Variants in TOP2B observed in about 807,000 individuals in gnomAD.
TOP2B encodes DNA topoisomerase II beta, also known as DNA topoisomerase 2-beta.
Under a neutral mutation model 193.5 loss-of-function variants are expected in TOP2B, and 51 were observed. The ratio of observed to expected loss-of-function variants is 0.26; its 90% confidence interval spans 0.21 to 0.33. The LOEUF is 0.33. TOP2B is among the 10% of genes least tolerant of loss of function. TOP2B has a pLI of 1.00. For missense variants in TOP2B, 1,378 were observed against 1,909.3 expected (o/e 0.72, Z 5.19); for synonymous variants, 634 against 635.7 (o/e 1.00, Z 0.04).
chr3:25,661,396 T>A (rs1013422929), intron 1 of TOP2B, among the ~76,000 whole-genome samples: 88 of 152,228 alleles, frequency 5.8e-4, no homozygotes, highest in Non-Finnish European at 1.1e-3. Flanking sequence ...CCATTAAAAA[T>A]TTTTTTTAAT....
chr3:25,621,602 G>A (rs931962815), intron 21 of TOP2B, among the ~76,000 whole-genome samples: 1 of 151,894 alleles, frequency 6.6e-6, no homozygotes, highest in South Asian at 2.1e-4. Flanking sequence ...CTAGTGATCT[G>A]CCCAGCTCAG....
chr3:25,633,550 A>C (rs1703019490), intron 8 of TOP2B, among the ~76,000 whole-genome samples: 1 of 152,122 alleles, frequency 6.6e-6, no homozygotes, highest in Non-Finnish European at 1.5e-5. Flanking sequence ...AGGTTGGGGA[A>C]GGTGGGGCTA....
intron 1 of TOP2B, among the ~76,000 whole-genome samples, chr3:25,660,056 T>C (rs377093675): frequency 4.6e-5 from 7 of 152,316 alleles, no homozygotes; most frequent in African/African-American, 1.7e-4. Context: ...TAAAATGCAA[T>C]TGTTGCCACC....
At chr3:25,648,284 G>A (rs964310999) in intron 1 of TOP2B, among the ~76,000 whole-genome samples, 4 of 152,146 alleles carry the variant, frequency 2.6e-5, no homozygotes, top group Non-Finnish European at 2.9e-5. Context: ...AGCACGAGAC[G>A]CCACAAGTAA....
chr3:25,601,127 T>C lies in TOP2B; in HGVS notation c.4588A>G (p.Ile1530Val). ...TTTGGTGTTGTAGTCTTCTTTGGAA[T>C]GCCAAATTCTGAATCCGAGTCAGAG... ...VNSDSDSEFG[I>V]PKKTTTPKGK... Residue 1530 changes from isoleucine (I) to valine (V), a missense_variant, in exon 34 of 36, where the codon ATT becomes GTT. By Grantham distance (29) the Ile-to-Val change is conservative. Transcript: ENST00000264331. 1 of 1,613,814 alleles carries C rather than the reference T, an allele frequency of 6.2e-7. No homozygotes were observed. Among genetic ancestry groups the C allele is most frequent in the Non-Finnish European group, 8.5e-7 (1 of 1,179,756 alleles).
At position 25,612,642 on chromosome 3, in the gene TOP2B, A is replaced by C; in HGVS notation, c.3659T>G (p.Val1220Gly). The C allele has an allele frequency of 6.2e-7, 1 of 1,613,710 alleles. No homozygotes were observed. Among genetic ancestry groups the C allele is most frequent in the Non-Finnish European group, 8.5e-7 (1 of 1,179,748 alleles). ...GAGTTTCTTCACCTTAGGTTTGCCA[A>C]CTTTACCTTTAATTGCTTTTCCAGA... Reference protein sequence around the residue: ...GMSGKAIKGKVGKPKVKKLQL... With the variant: ...GMSGKAIKGKGGKPKVKKLQL... The change falls in exon 28 of 36, where the codon GTT becomes GGT. Residue 1220 changes from valine (V) to glycine (G), a missense_variant. Val to Gly is a moderately radical substitution (Grantham distance 109, BLOSUM62 -3). Transcript: ENST00000264331.
At chr3:25,641,931 A>G (rs1006417066) in intron 4 of TOP2B, among the ~76,000 whole-genome samples, 2 of 152,162 alleles carry the variant, frequency 1.3e-5, no homozygotes. Context: ...AACAGTACCT[A>G]ATCTATTAAA....
intron 34 of TOP2B, 96 bp downstream of exon 34, chr3:25,601,004 A>C: frequency 7.4e-7 from 1 of 1,357,602 alleles, no homozygotes; most frequent in Non-Finnish European, 1.0e-6. Flanking sequence ...TTAAAACAAA[A>C]TAGATACCTA....
intron 31 of TOP2B, 38 bp from the exon 32 acceptor site, chr3:25,606,160 T>G (rs1048856223): frequency 4.1e-6 from 4 of 981,066 alleles, no homozygotes; most frequent in Non-Finnish European, 5.9e-6. Context: ...AGGATACAAT[T>G]TAAATATCTG....
At position 25,632,573 on chromosome 3, in the gene TOP2B, T is replaced by C; in HGVS notation, c.1139A>G (p.His380Arg). ...AAGGCAATTAATAAAAACCCATATA[T>C]GGTTTTTTACCTGTTGAAAACATAC... ...VSVKPFQVKN[H>R]IWVFINCLIE... is the part of the protein sequence containing the mutation. The change falls in exon 10 of 36, where the codon CAT (histidine) becomes CGT (arginine). Residue 380 changes from histidine (H) to arginine (R), a missense_variant. This residue lies in a region of TOP2B where 222 missense variants were observed against 306.6 expected (regional missense o/e 0.72). Coordinates refer to ENST00000264331, the MANE Select transcript of TOP2B (RefSeq NM_001330700.2). 1 of 1,598,100 alleles carries C rather than the reference T, an allele frequency of 6.3e-7. No homozygotes were observed. Among genetic ancestry groups the C allele is most frequent in the Non-Finnish European group, 8.5e-7 (1 of 1,175,718 alleles).
Position 25,623,704 on chromosome 3 carries a change from G to A in TOP2B, c.2538C>T (p.Leu846=), listed in dbSNP as rs1400416812. Reference sequence around the variant, plus strand: ...GATTATCATCATAAAGGAACTTAAGGAGGTTGTCATCCACAGCAGGAAAAA... The same window carrying A: ...GATTATCATCATAAAGGAACTTAAGAAGGTTGTCATCCACAGCAGGAAAAA... ...RLLFPAVDDN[L]LKFLYDDNQR... is the part of the protein sequence containing the mutation. The change falls in exon 21 of 36, where the codon CTC becomes CTT. Residue 846 remains leucine (L), a synonymous_variant. Coordinates refer to ENST00000264331, the MANE Select transcript of TOP2B (RefSeq NM_001330700.2). 1 of 1,613,680 alleles carries A rather than the reference G, an allele frequency of 6.2e-7. No individual in the cohort carries two copies.
chr3:25,631,091 A>G (rs1383698831), intron 10 of TOP2B, among the ~76,000 whole-genome samples, 152 bp from the exon 11 acceptor site: 1 of 152,176 alleles, frequency 6.6e-6, no homozygotes, highest in East Asian at 1.9e-4. Context: ...GATACATGCT[A>G]ATCAGCTTTT....
At chr3:25,644,420 C>A (rs930558776) in intron 2 of TOP2B, among the ~76,000 whole-genome samples, 1 of 152,062 alleles carries the variant, frequency 6.6e-6, no homozygotes, top group South Asian at 2.1e-4. Context: ...GACTTACAAG[C>A]CTGGGCGCAG....
rs948082469 is a variant in TOP2B, at chr3:25,598,152, G to A, written c.*155C>T. 6.9e-6 allele frequency: 5 copies of A among 724,870 alleles called. No homozygotes were observed. The highest frequency in any genetic ancestry group is 1.8e-5 in the African/African-American group (1 of 56,132). 44.9% of individuals were successfully genotyped at this position (724,870 alleles called of 1,614,324 possible). On this transcript the variant is annotated 3_prime_UTR_variant, in exon 36 of 36. Coordinates refer to ENST00000264331, the MANE Select transcript of TOP2B (RefSeq NM_001330700.2). ...TAAAAAAGAGCATAAAACTGTATGT[G>A]TAAGAACAAAATGTTAAAAGGCCTA... is the stretch of plus-strand genomic sequence containing the variant.
At chr3:25,642,782 T>C (rs79193909) in intron 3 of TOP2B, among the ~76,000 whole-genome samples, 4,067 of 152,264 alleles carry the variant, frequency 0.027, 161 homozygotes, top group African/African-American at 0.091. Flanking sequence ...CTAGTGACTT[T>C]ATAGGCATAT....
intron 15 of TOP2B, 44 bp from the exon 16 acceptor site, chr3:25,627,340 C>T: frequency 7.8e-7 from 1 of 1,284,510 alleles, no homozygotes; most frequent in Non-Finnish European, 1.1e-6. Context: ...ATATCAATGT[C>T]TGTTTAAAAC....
At chr3:25,646,403 C>T (rs940266043) in intron 1 of TOP2B, among the ~76,000 whole-genome samples, 2 of 152,152 alleles carry the variant, frequency 1.3e-5, no homozygotes, top group Non-Finnish European at 2.9e-5. Flanking sequence ...CAAGGAGGCA[C>T]AGGTTGGTGA....
rs1702027491 is a variant in TOP2B, at chr3:25,599,427, C to T, written c.4710+8G>A. On this transcript the variant is annotated splice_region_variant and intron_variant, in intron 35 of 35. Transcript: ENST00000264331. ...CATGCACTAATATGCAATGATGTTC[C>T]CGGTTACCTTGCTTGTTGTTTTGGA... The T allele has an allele frequency of 6.2e-7, 1 of 1,612,170 alleles. No homozygotes were observed. Among genetic ancestry groups the T allele is most frequent in the East Asian group, 2.2e-5 (1 of 44,854 alleles).
intron 2 of TOP2B, among the ~76,000 whole-genome samples, chr3:25,644,085 T>C (rs899050881): frequency 6.6e-6 from 1 of 150,958 alleles, no homozygotes; most frequent in South Asian, 2.1e-4. Context: ...TTTTCATAAA[T>C]AATGGAAAAT....
Sources: allele counts gnomAD v4.1 joint callset (sites outside exome capture counted in the v4.1 genomes callset), GRCh38; gene constraint gnomAD v4.1.1; regional missense constraint gnomAD v4.1.1; transcripts MANE v1.5; gene names NCBI Gene and HGNC (gene_info 2026-07-23, HGNC 2026-07-21).